DMD: variants seen among roughly 807,000 people sequenced by gnomAD.
DMD encodes dystrophin, also known as mutant dystrophin.
A neutral mutation model predicts 330.1 loss-of-function variants in DMD; 63 were observed. The ratio of observed to expected loss-of-function variants is 0.19; its 90% CI spans 0.16 to 0.24. The LOEUF is 0.24. Among genes scored for constraint, DMD ranks in the 10% least tolerant of loss-of-function variants. The pLI is 1.00. For synonymous variants in DMD, 1,223 were observed against 959.8 expected, an observed-to-expected ratio of 1.27 and a Z score of -5.07; for missense variants, 3,344 against 2,684.1, an observed-to-expected ratio of 1.25 and a Z score of -5.43.
intron 1 of DMD, among the ~76,000 whole-genome samples, chrX:33,045,373 G>A (rs985806456): frequency 3.9e-5 from 4 of 103,594 alleles, no homozygotes; most frequent in African/African-American, 1.4e-4. Context: ...ACATTCTTAA[G>A]TTCCATCCTT....
chrX:33,214,327 T>G (rs919182769), upstream of DMD, among the ~76,000 whole-genome samples: 1 of 111,570 alleles, frequency 9.0e-6, no homozygotes, highest in African/African-American at 3.3e-5. Context: ...TATCTACAAA[T>G]AGATCTACAG....
intron 36 of DMD, 75 bp downstream of exon 36, chrX:32,364,507 G>T: frequency 9.1e-7 from 1 of 1,096,780 alleles, no homozygotes; most frequent in Non-Finnish European, 1.3e-6. Context: ...GACGTCCTTA[G>T]TATCTTTTAG....
chrX:31,649,330 T>C (rs2080300681), intron 54 of DMD, among the ~76,000 whole-genome samples: 1 of 111,817 alleles, frequency 8.9e-6, no homozygotes, highest in African/African-American at 3.2e-5. Context: ...TGAAAATGGC[T>C]ACTTGGCTAC....
At position 31,825,757 on chromosome X, in the gene DMD, A is replaced by T. The variant is rs186030461; in HGVS notation, c.7201-5674T>A. On this transcript the variant is annotated intron_variant, in intron 49 of 78. Coordinates refer to ENST00000357033, the MANE Select transcript of DMD (RefSeq NM_004006.3). ...CACCCCTGAAAATTAAGAAAAGTTA[A>T]TTTACATTGTGATTTAGAATCAGAA... 2.7e-5 allele frequency among the ~76,000 whole-genome samples: 3 copies of T among 111,670 alleles called. No homozygotes were observed. The Admixed American group carries it at 2.9e-4, about 11-fold the overall frequency.
chrX:31,405,593 A>G (rs1356012898), intron 60 of DMD, among the ~76,000 whole-genome samples: 1 of 111,869 alleles, frequency 8.9e-6, no homozygotes, highest in Non-Finnish European at 1.9e-5. Flanking sequence ...AATTAATAAG[A>G]AAGAGCTACA....
intron 62 of DMD, among the ~76,000 whole-genome samples, chrX:31,279,141 G>A (rs2052417009): frequency 8.9e-6 from 1 of 111,797 alleles, no homozygotes; most frequent in Admixed American, 9.5e-5. Flanking sequence ...GTACTAATAA[G>A]TGGTTAACTA....
chrX:31,726,231 C>T (rs1352472350), intron 52 of DMD, among the ~76,000 whole-genome samples: 1 of 112,187 alleles, frequency 8.9e-6, no homozygotes, highest in Non-Finnish European at 1.9e-5. Flanking sequence ...TATAGTAAAA[C>T]ATGGTGGTGG....
chrX:32,401,334 T>TG (rs1557332147), intron 30 of DMD, among the ~76,000 whole-genome samples: 1 of 109,370 alleles, frequency 9.1e-6, no homozygotes, highest in Non-Finnish European at 1.9e-5. Context: ...AGTATAATAA[T>TG]AAAAAAAAGA....
intron 2 of DMD, among the ~76,000 whole-genome samples, chrX:32,896,189 T>C (rs113010776): frequency 8.1e-5 from 9 of 111,653 alleles, no homozygotes; most frequent in African/African-American, 2.6e-4. Flanking sequence ...TACTCCTTAG[T>C]ACAACCCAGA....
At chrX:32,557,038 AG>A (rs1166540813) in intron 16 of DMD, among the ~76,000 whole-genome samples, 1 of 112,045 alleles carries the variant, frequency 8.9e-6, no homozygotes, top group Admixed American at 9.5e-5. Context: ...CAAAAGATCT[AG>A]AAAAACTCCC....
At chrX:32,841,451 G>A (rs1007320747) in intron 4 of DMD, among the ~76,000 whole-genome samples, 13 of 111,896 alleles carry the variant, frequency 1.2e-4, no homozygotes, top group Non-Finnish European at 2.3e-4. Flanking sequence ...ATACTAGGCT[G>A]TATTATAAAA....
intron 26 of DMD, among the ~76,000 whole-genome samples, chrX:32,452,328 TGAAAGTGAAAGG>T (rs1369051471): frequency 0.013 from 187 of 13,858 alleles, 17 homozygotes; most frequent in African/African-American, 0.026. Context: ...AAAGTGAAAG[TGAAAGTGAAAGG>T]GAAAGGGAAA....
chrX:31,561,700 T>C (rs192500798), intron 55 of DMD, among the ~76,000 whole-genome samples: 4 of 112,646 alleles, frequency 3.6e-5, no homozygotes. Flanking sequence ...TGGCAGGTAC[T>C]ATGCTTATCA....
intron 44 of DMD, among the ~76,000 whole-genome samples, chrX:32,131,128 T>A (rs1308720799): frequency 9.0e-6 from 1 of 111,641 alleles, no homozygotes; most frequent in Non-Finnish European, 1.9e-5. Flanking sequence ...GAGGTTGCAG[T>A]GAGCAGAGAC....
chrX:32,193,414 T>C (rs947116464), intron 44 of DMD, among the ~76,000 whole-genome samples: 1 of 112,073 alleles, frequency 8.9e-6, no homozygotes, highest in African/African-American at 3.2e-5. Flanking sequence ...CTTTCAGGGA[T>C]TGGACGTTCA....
rs966890537 is a variant in DMD, at chrX:32,586,436, AAAAT to A, written c.1602+9317_1602+9320del. On this transcript the variant is annotated intron_variant, in intron 13 of 78. Coordinates refer to ENST00000357033, the MANE Select transcript of DMD (RefSeq NM_004006.3). ...AATGCAATTGAGTGGGACAGGTGCT[AAAAT>A]AAATAAATATATATGTTTATATTAT... Among the ~76,000 whole-genome samples the A allele has an allele frequency of 1.7e-4, 18 of 108,583 alleles. No individual in the cohort carries two copies. In the South Asian group the frequency reaches 5.5e-3, roughly 33 times the overall value. The allele number at this position is 108,583 out of a possible 115,157, so 94.3% of individuals were successfully genotyped here.
chrX:32,449,078 C>G (rs1183178716), intron 26 of DMD, among the ~76,000 whole-genome samples: 1 of 110,382 alleles, frequency 9.1e-6, no homozygotes, highest in African/African-American at 3.3e-5. Context: ...TTAAAGGATA[C>G]TTAACATAGA....
At chrX:31,864,620 G>T (rs1275657853) in intron 48 of DMD, among the ~76,000 whole-genome samples, 3 of 107,985 alleles carry the variant, frequency 2.8e-5, no homozygotes, top group African/African-American at 1.0e-4. Context: ...CTCCCAGGTA[G>T]CTGGGACTAC....
At chrX:32,129,894 A>G (rs1470861620) in intron 44 of DMD, among the ~76,000 whole-genome samples, 1 of 110,831 alleles carries the variant, frequency 9.0e-6, no homozygotes, top group Non-Finnish European at 1.9e-5. Flanking sequence ...TAGCTGCAAC[A>G]CAATACTTTT....
Sources: gnomAD v4.1 joint callset for allele counts (sites outside exome capture counted in the v4.1 genomes callset) on GRCh38, gnomAD v4.1.1 for gene constraint, MANE v1.5 for transcripts, NCBI Gene and HGNC (gene_info 2026-07-23, HGNC 2026-07-21) for gene names.